Variants in CALN1 observed in about 807,000 individuals in gnomAD.
The protein encoded by CALN1 is calneuron 1.
A neutral mutation model predicts 30.6 loss-of-function variants in CALN1; 17 were observed. That is an observed-to-expected ratio of 0.56 (90% CI 0.38 to 0.83). CALN1 has a LOEUF of 0.83. Ranked by LOEUF, CALN1 falls within the 40% of genes least tolerant of loss-of-function variation. The pLI is 0.00. For missense variants in CALN1, 291 were observed against 354.9 expected, an observed-to-expected ratio of 0.82 and a Z score of 1.45; for synonymous variants, 156 against 131.4, an observed-to-expected ratio of 1.19 and a Z score of -1.28.
At chr7:72,320,570 C>CA (rs1311196197) in intron 2 of CALN1, among the ~76,000 whole-genome samples, 1 of 152,136 alleles carries the variant, frequency 6.6e-6, no homozygotes, top group Non-Finnish European at 1.5e-5. Flanking sequence ...AGTGATGGCT[C>CA]ACGCCTGTAA....
At chr7:72,079,567 A>C (rs1324577313) in intron 4 of CALN1, among the ~76,000 whole-genome samples, 8 of 152,114 alleles carry the variant, frequency 5.3e-5, no homozygotes, top group African/African-American at 1.7e-4. Context: ...CAACCTAATA[A>C]ATGCTGAAAC....
intron 2 of CALN1, among the ~76,000 whole-genome samples, chr7:72,360,431 T>C (rs1803503497): frequency 6.6e-6 from 1 of 151,978 alleles, no homozygotes; most frequent in African/African-American, 2.4e-5. Flanking sequence ...GAAATTTTTT[T>C]ATTTAAAAAA....
chr7:72,262,199 A>C (rs2067538563), intron 3 of CALN1, among the ~76,000 whole-genome samples: 1 of 152,220 alleles, frequency 6.6e-6, no homozygotes, highest in African/African-American at 2.4e-5. Flanking sequence ...ATTATAGGAC[A>C]CATCTACTAA....
intron 1 of CALN1, among the ~76,000 whole-genome samples, chr7:72,430,663 G>A (rs1807944122): frequency 6.6e-6 from 1 of 152,142 alleles, no homozygotes; most frequent in African/African-American, 2.4e-5. Context: ...CAATCAAAAT[G>A]AAGGTGAGCC....
At chr7:72,204,400 A>C (rs1791679771) in intron 3 of CALN1, among the ~76,000 whole-genome samples, 1 of 152,116 alleles carries the variant, frequency 6.6e-6, no homozygotes, top group African/African-American at 2.4e-5. Flanking sequence ...AAAAATCTCC[A>C]ACAATATTAT....
intron 2 of CALN1, among the ~76,000 whole-genome samples, chr7:72,292,452 G>T (rs1422570977): frequency 6.8e-6 from 1 of 147,780 alleles, no homozygotes; most frequent in Non-Finnish European, 1.5e-5. Flanking sequence ...TTTGAGAGGT[G>T]ATTGGGTCAC....
intron 3 of CALN1, among the ~76,000 whole-genome samples, chr7:72,274,815 T>A (rs952472538): frequency 6.6e-6 from 1 of 152,146 alleles, no homozygotes; most frequent in Non-Finnish European, 1.5e-5. Flanking sequence ...ACTGTCTCCA[T>A]CAATCCACCT....
At chr7:71,949,385 T>G (rs1398653156) in intron 5 of CALN1, among the ~76,000 whole-genome samples, 1 of 151,900 alleles carries the variant, frequency 6.6e-6, no homozygotes, top group Non-Finnish European at 1.5e-5. Flanking sequence ...TCGAGAGGGT[T>G]TTTTGTTTGT....
chr7:72,485,960 T>A, the CALN1 span, among the ~76,000 whole-genome samples: 5 of 152,218 alleles, frequency 3.3e-5, no homozygotes, highest in African/African-American at 1.2e-4. Flanking sequence ...TTTTTTATTT[T>A]TATTTTTGGA....
intron 4 of CALN1, among the ~76,000 whole-genome samples, chr7:72,061,991 T>C (rs1803687642): frequency 6.6e-6 from 1 of 152,016 alleles, no homozygotes; most frequent in Admixed American, 6.6e-5. Flanking sequence ...ATGATTCCAA[T>C]GACTATAGAT....
upstream of CALN1, among the ~76,000 whole-genome samples, chr7:72,451,206 AAGAAGG>A (rs1413670267): frequency 1.6e-4 from 19 of 118,908 alleles, no homozygotes; most frequent in East Asian, 2.4e-3. Context: ...GAAGAAGAAG[AAGAAGG>A]AGGAGGAGGA....
At chr7:72,114,763 G>A (rs1016719490) in intron 3 of CALN1, among the ~76,000 whole-genome samples, 3 of 151,984 alleles carry the variant, frequency 2.0e-5, no homozygotes, top group African/African-American at 7.2e-5. Context: ...GGAAGCCGAG[G>A]TGGGCAGATC....
intron 5 of CALN1, among the ~76,000 whole-genome samples, chr7:71,855,896 T>C (rs544179807): frequency 6.6e-6 from 1 of 152,310 alleles, no homozygotes; most frequent in East Asian, 1.9e-4. Flanking sequence ...TTGAATGCAG[T>C]GCTTTTTCAT....
rs1350613657 is a variant in CALN1, at chr7:72,337,297, C to G, written c.120-58487G>C. The G allele has an allele frequency of 5.1e-6, 5 of 985,068 alleles. No homozygotes were observed. In the Admixed American group the frequency reaches 2.5e-4, roughly 48 times the overall value. The allele number at this position is 985,068 out of a possible 1,614,324, so 61.0% of individuals were successfully genotyped here. A position where few individuals can be genotyped will look rare whatever the true frequency, so the allele number is the denominator to read the frequency against. On this transcript the variant is annotated intron_variant, in intron 2 of 6. Coordinates refer to ENST00000395275, the MANE Select transcript of CALN1 (RefSeq NM_031468.4). Reference sequence around the variant, plus strand: ...CTTCTGGGCTCGCCTTGGCCGCCTGCGCCCCAGCTCCTCCGAGGGTCGGGG... The same window carrying G: ...CTTCTGGGCTCGCCTTGGCCGCCTGGGCCCCAGCTCCTCCGAGGGTCGGGG...
chr7:72,341,613 C>T (rs985645675), intron 2 of CALN1, among the ~76,000 whole-genome samples: 8 of 152,216 alleles, frequency 5.3e-5, no homozygotes, highest in African/African-American at 1.4e-4. Flanking sequence ...GGGCCTCCCA[C>T]ATAACCAGAG....
chr7:72,195,357 A>G (rs1453719573), intron 3 of CALN1, among the ~76,000 whole-genome samples: 1 of 152,172 alleles, frequency 6.6e-6, no homozygotes, highest in African/African-American at 2.4e-5. Context: ...CTGGAAAATA[A>G]GTATTCTGAT....
At chr7:72,230,311 T>C (rs1793997892) in intron 3 of CALN1, among the ~76,000 whole-genome samples, 2 of 138,924 alleles carry the variant, frequency 1.4e-5, no homozygotes, top group Non-Finnish European at 3.0e-5. Context: ...GCCTGGGCAA[T>C]GTGGCGAAAC....
intron 2 of CALN1, among the ~76,000 whole-genome samples, chr7:72,372,015 T>G (rs912378961): frequency 1.3e-5 from 2 of 152,198 alleles, no homozygotes; most frequent in African/African-American, 4.8e-5. Flanking sequence ...CTGGCATTTC[T>G]GAGATTGAAT....
At chr7:71,989,321 C>T (rs1003014535) in intron 5 of CALN1, among the ~76,000 whole-genome samples, 1 of 152,054 alleles carries the variant, frequency 6.6e-6, no homozygotes, top group Non-Finnish European at 1.5e-5. Context: ...GCCTGTAGTC[C>T]CAGCTACTCA....
Sources: allele counts gnomAD v4.1 joint callset (sites outside exome capture counted in the v4.1 genomes callset), GRCh38; gene constraint gnomAD v4.1.1; transcripts MANE v1.5; gene names NCBI Gene and HGNC (gene_info 2026-07-23, HGNC 2026-07-21).